The following KIRREL3 variants were observed in gnomAD, a reference collection of about 807,000 sequenced individuals.
The protein encoded by KIRREL3 is kirre like nephrin family adhesion molecule 3, also known as kin of IRRE-like protein 3.
KIRREL3 carries 36 observed loss-of-function variants against 89.7 expected under a neutral mutation model. The ratio of observed to expected loss-of-function variants is 0.40; its 90% CI spans 0.31 to 0.53. The LOEUF is 0.53. Among genes scored for constraint, KIRREL3 ranks in the 20% least tolerant of loss-of-function variants. The pLI, the probability that KIRREL3 is intolerant of heterozygous loss-of-function variation, is 0.49. For synonymous variants in KIRREL3, 445 were observed against 441.4 expected, an observed-to-expected ratio of 1.01 and a Z score of -0.10; for missense variants, 864 against 1,056.6, an observed-to-expected ratio of 0.82 and a Z score of 2.53.
In KIRREL3 at chr11:126,645,955, A is replaced by G. The variant is rs1223206626; in HGVS notation, c.56-83043T>C. 6.6e-6 allele frequency among the ~76,000 whole-genome samples: 1 copy of G among 152,244 alleles called. No individual in the cohort carries two copies. The highest frequency in any genetic ancestry group is 1.5e-5 in the Non-Finnish European group (1 of 68,046). On this transcript the variant is annotated intron_variant, in intron 1 of 16. Transcript: ENST00000525144. The surrounding 1 kb of genome is among the most constrained non-coding windows in gnomAD (Gnocchi z 4.9). ...AACAGTAAATTTTTTGTTGATACTC[A>G]AATACATAGGCGGCACTCGGAATGA...
At chr11:126,865,376 C>T (rs777714527) in intron 1 of KIRREL3, among the ~76,000 whole-genome samples, 1 of 152,234 alleles carries the variant, frequency 6.6e-6, no homozygotes, top group Non-Finnish European at 1.5e-5. Context: ...CTGCCTGCTG[C>T]TTTCTGTACC....
chr11:126,939,131 G>T (rs1948330108), intron 1 of KIRREL3, among the ~76,000 whole-genome samples: 1 of 152,156 alleles, frequency 6.6e-6, no homozygotes, highest in Non-Finnish European at 1.5e-5. Flanking sequence ...GCTGCTGTGG[G>T]GGTCTGTGCA....
chr11:126,616,903 A>C (rs536309574), intron 1 of KIRREL3, among the ~76,000 whole-genome samples: 1 of 152,324 alleles, frequency 6.6e-6, no homozygotes, highest in East Asian at 1.9e-4. Context: ...TGGCCTCCCA[A>C]AGTGTTGGGA....
At chr11:126,603,001 C>T (rs548123205) in intron 1 of KIRREL3, among the ~76,000 whole-genome samples, 8 of 152,250 alleles carry the variant, frequency 5.3e-5, no homozygotes, top group East Asian at 3.9e-4. Context: ...CAATAGGAGA[C>T]GCTCTCTCTC....
rs986074671 is a variant in KIRREL3 at position 126,776,899 on chromosome 11, C to T, written c.56-213987G>A. On this transcript the variant is annotated intron_variant, in intron 1 of 16. Transcript: ENST00000525144. The surrounding 1 kb of genome is among the most constrained non-coding windows in gnomAD (Gnocchi z 4.7). ...CCAAATGGAGTGCAGGAGACCGGTG[C>T]CCATGGGAAGCCTCCAAAAGTCTTG... Among the ~76,000 whole-genome samples, 13 of 152,184 alleles carry T rather than the reference C, an allele frequency of 8.5e-5. No individual in the cohort carries two copies. Among genetic ancestry groups the T allele is most frequent in the Non-Finnish European group, 1.6e-4 (11 of 68,040 alleles).
Position 126,454,616 on chromosome 11 carries a change from G to A in KIRREL3, c.848+1733C>T, listed in dbSNP as rs557901020. Among the ~76,000 whole-genome samples the A allele has an allele frequency of 6.6e-6, 1 of 152,242 alleles. No homozygotes were observed. Among genetic ancestry groups the A allele is most frequent in the Admixed American group, 6.5e-5 (1 of 15,292 alleles). ...CAGAGGAGAGAAGCTGAACTTGTAT[G>A]GAGAAACCCAGGCCTGGCAGGTGCA... On this transcript the variant is annotated intron_variant, in intron 7 of 16. Coordinates refer to ENST00000525144, the MANE Select transcript of KIRREL3 (RefSeq NM_032531.4). This position sits in a 1 kb window ranked among gnomAD's most constrained non-coding sequence, Gnocchi z 5.8.
Position 126,484,750 on chromosome 11 carries a change from T to C in KIRREL3, c.434-11284A>G, listed in dbSNP as rs1957305978. ...TAATGTAGGTGTGCTTTCCCCCTCT[T>C]CAGACCCTCCCCGCCTCCACTTAGG... On this transcript the variant is annotated intron_variant, in intron 4 of 16. Coordinates refer to ENST00000525144, the MANE Select transcript of KIRREL3 (RefSeq NM_032531.4). This position sits in a 1 kb window ranked among gnomAD's most constrained non-coding sequence, Gnocchi z 5.2. 6.6e-6 allele frequency among the ~76,000 whole-genome samples: 1 copy of C among 152,158 alleles called. No homozygotes were observed. Among genetic ancestry groups the C allele is most frequent in the Non-Finnish European group, 1.5e-5 (1 of 68,032 alleles).
At chr11:126,667,844 A>G (rs1447688916) in intron 1 of KIRREL3, among the ~76,000 whole-genome samples, 1 of 152,198 alleles carries the variant, frequency 6.6e-6, no homozygotes, top group East Asian at 1.9e-4. Flanking sequence ...AAAGCTGCAC[A>G]AAAGGCCACA....
At chr11:126,472,731 A>AGAGAGAGAGAGAGAGAGAGAGAGAGC (rs1416539561) in intron 5 of KIRREL3, among the ~76,000 whole-genome samples, 1 of 151,556 alleles carries the variant, frequency 6.6e-6, no homozygotes, top group Non-Finnish European at 1.5e-5. Context: ...AGAGAGAGAG[A>AGAGAGAGAGAGAGAGAGAGAGAGAGC]GCACAAGTCA....
intron 4 of KIRREL3, among the ~76,000 whole-genome samples, chr11:126,511,576 C>T (rs1310628664): frequency 6.6e-6 from 1 of 152,160 alleles, no homozygotes; most frequent in East Asian, 1.9e-4. Context: ...TCTGTGGTGT[C>T]CTATCCTGCC....
At position 126,569,095 on chromosome 11, in the gene KIRREL3, G is replaced by A. The variant is rs1940738275; in HGVS notation, c.56-6183C>T. 6.6e-6 allele frequency among the ~76,000 whole-genome samples: 1 copy of A among 152,062 alleles called. No individual in the cohort carries two copies. Among genetic ancestry groups the A allele is most frequent in the Non-Finnish European group, 1.5e-5 (1 of 68,020 alleles). On this transcript the variant is annotated intron_variant, in intron 1 of 16. Transcript: ENST00000525144. This position sits in a 1 kb window ranked among gnomAD's most constrained non-coding sequence, Gnocchi z 6.5. ...AGAGACAGTGGTGCTAAGTGACAGA[G>A]TGGGTCAAGCAGAGGAAGAGGGCAA... is the stretch of plus-strand genomic sequence containing the variant.
chr11:126,818,950 A>G (rs1055004712), intron 1 of KIRREL3, among the ~76,000 whole-genome samples: 2 of 152,140 alleles, frequency 1.3e-5, no homozygotes, highest in Non-Finnish European at 2.9e-5. Flanking sequence ...TCCTGGTCCA[A>G]TGCCTAACCC....
rs1462568072 is a variant in KIRREL3, at chr11:126,489,373, G to A, written c.434-15907C>T. 1.3e-5 allele frequency among the ~76,000 whole-genome samples: 2 copies of A among 152,208 alleles called. No homozygotes were observed. The highest frequency in any genetic ancestry group is 4.8e-5 in the African/African-American group (2 of 41,446). ...CATCAATGATGGAAGGGTAAGAAGA[G>A]ACGCCTGCATCAGGTGGGAGTTAGG... On this transcript the variant is annotated intron_variant, in intron 4 of 16. Coordinates refer to ENST00000525144, the MANE Select transcript of KIRREL3 (RefSeq NM_032531.4). The surrounding 1 kb of genome is among the most constrained non-coding windows in gnomAD (Gnocchi z 5.5).
At chr11:126,456,038 C>CTTTTTTTTTT (rs1956327847) in intron 7 of KIRREL3, among the ~76,000 whole-genome samples, 1 of 53,836 alleles carries the variant, frequency 1.9e-5, no homozygotes, top group African/African-American at 1.1e-4. Context: ...TTTTTGTTTT[C>CTTTTTTTTTT]GTTTTTTTTT....
At position 126,666,475 on chromosome 11, in the gene KIRREL3, C is replaced by T. The variant is rs1240771069; in HGVS notation, c.56-103563G>A. ...GATTGCTGAGCCTTCTAAGGGTTTACCAAGAAGGGACAAATCTAATGATAA... is the reference window on the plus strand; with the variant it reads ...GATTGCTGAGCCTTCTAAGGGTTTATCAAGAAGGGACAAATCTAATGATAA... On this transcript the variant is annotated intron_variant, in intron 1 of 16. Coordinates refer to ENST00000525144, the MANE Select transcript of KIRREL3 (RefSeq NM_032531.4). The surrounding 1 kb of genome is among the most constrained non-coding windows in gnomAD (Gnocchi z 4.2). Among the ~76,000 whole-genome samples, 2 of 152,166 alleles carry T rather than the reference C, an allele frequency of 1.3e-5. No individual in the cohort carries two copies. Among genetic ancestry groups the T allele is most frequent in the Non-Finnish European group, 2.9e-5 (2 of 68,046 alleles).
intron 1 of KIRREL3, among the ~76,000 whole-genome samples, chr11:126,919,407 G>A (rs901318969): frequency 2.6e-5 from 4 of 152,182 alleles, no homozygotes; most frequent in Non-Finnish European, 2.9e-5. Context: ...AACAAGCCAA[G>A]GGCAAGTTTA....
In KIRREL3 at chr11:126,645,514, A is replaced by G. The variant is rs1012885803; in HGVS notation, c.56-82602T>C. Among the ~76,000 whole-genome samples the G allele has an allele frequency of 2.6e-5, 4 of 152,216 alleles. No individual in the cohort carries two copies. Among genetic ancestry groups the G allele is most frequent in the African/African-American group, 9.6e-5 (4 of 41,452 alleles). ...ATTTGTGGCATGAATGAAAGAATTCATGAGTAATAGCCGGGCATAAATCAG... is the reference window on the plus strand; with the variant it reads ...ATTTGTGGCATGAATGAAAGAATTCGTGAGTAATAGCCGGGCATAAATCAG... On this transcript the variant is annotated intron_variant, in intron 1 of 16. Transcript: ENST00000525144. The surrounding 1 kb of genome is among the most constrained non-coding windows in gnomAD (Gnocchi z 4.9).
In KIRREL3 at chr11:126,682,929, T is replaced by G. The variant is rs1946524699; in HGVS notation, c.56-120017A>C. Among the ~76,000 whole-genome samples the G allele has an allele frequency of 3.9e-5, 6 of 152,128 alleles. 1 individual carries two copies. The South Asian group carries it at 1.2e-3, about 32-fold the overall frequency. On this transcript the variant is annotated intron_variant, in intron 1 of 16. Transcript: ENST00000525144. The surrounding 1 kb of genome is among the most constrained non-coding windows in gnomAD (Gnocchi z 4.8). ...AAAGTAATTCACCCTAAGATGCCAT[T>G]AAATTACTATGACCTCCTGGGCTCA...
rs964907720 is a variant in KIRREL3 at position 126,608,656 on chromosome 11, C to A, written c.56-45744G>T. The stretch of plus-strand genomic sequence containing the variant: ...AATCCTGTGGCTGCAGTAGGAGCCC[C>A]CTTCCCAGCCCTCCCTGGCTAAGGG... On this transcript the variant is annotated intron_variant, in intron 1 of 16. Coordinates refer to ENST00000525144, the MANE Select transcript of KIRREL3 (RefSeq NM_032531.4). The surrounding 1 kb of genome is among the most constrained non-coding windows in gnomAD (Gnocchi z 4.9). Among the ~76,000 whole-genome samples, 10 of 152,220 alleles carry A rather than the reference C, an allele frequency of 6.6e-5. 1 individual carries two copies. The highest frequency in any genetic ancestry group is 1.3e-4 in the Non-Finnish European group (9 of 68,036).
Sources: gnomAD v4.1 joint callset for allele counts (sites outside exome capture counted in the v4.1 genomes callset) on GRCh38, gnomAD v4.1.1 for gene constraint, Gnocchi (gnomAD v3.1) non-coding constraint, MANE v1.5 for transcripts, NCBI Gene and HGNC (gene_info 2026-07-23, HGNC 2026-07-21) for gene names.